Variants in TSTD2 observed in about 807,000 individuals in gnomAD.
TSTD2 encodes the protein thiosulfate sulfurtransferase like domain containing 2.
TSTD2 carries 37 observed loss-of-function variants against 47.9 expected under a neutral mutation model. The observed-to-expected ratio is 0.77, with a 90% confidence interval of 0.59 to 1.02. TSTD2 has a LOEUF of 1.02. Among genes scored for constraint, TSTD2 ranks in the 50% least tolerant of loss-of-function variants. The pLI, the probability that TSTD2 is intolerant of heterozygous loss-of-function variation, is 0.00. For synonymous variants in TSTD2, 201 were observed against 215.9 expected (o/e 0.93, Z 0.61); for missense variants, 586 against 616.0 (o/e 0.95, Z 0.52).
At chr9:97,611,206 T>C (rs1826453020) in intron 5 of TSTD2, 2 of 174,770 alleles carry the variant, frequency 1.1e-5, no homozygotes, top group African/African-American at 2.4e-5. Flanking sequence ...GAGGCTGACG[T>C]GGGAGGACTG....
intron 6 of TSTD2, among the ~76,000 whole-genome samples, chr9:97,609,120 T>C (rs920944638): frequency 6.6e-6 from 1 of 152,182 alleles, no homozygotes; most frequent in Non-Finnish European, 1.5e-5. Context: ...TCTCAAGGAC[T>C]TAGCATGAAA....
intron 3 of TSTD2, among the ~76,000 whole-genome samples, chr9:97,620,069 G>C (rs1295271268): frequency 6.6e-6 from 1 of 152,146 alleles, no homozygotes; most frequent in Non-Finnish European, 1.5e-5. Context: ...GATATTGCTT[G>C]GCTGTGTCCC....
intron 3 of TSTD2, among the ~76,000 whole-genome samples, chr9:97,623,847 ACT>A (rs760993037): frequency 2.7e-5 from 4 of 150,844 alleles, no homozygotes; most frequent in Admixed American, 6.6e-5. Flanking sequence ...ACAGAGTGAG[ACT>A]CTGTCTCAAA....
At chr9:97,604,257 A>G (rs1826326907) in intron 9 of TSTD2, 2 of 153,814 alleles carry the variant, frequency 1.3e-5, no homozygotes, top group Admixed American at 6.5e-5. Flanking sequence ...AGACAAAGTC[A>G]CAGGTACATT....
chr9:97,617,940 A>T, intron 3 of TSTD2, 63 bp from the exon 4 acceptor site: 1 of 1,572,464 alleles, frequency 6.4e-7, no homozygotes, highest in Non-Finnish European at 8.6e-7. Context: ...GTCACAATTC[A>T]TAAAATACAC....
chr9:97,603,228 G>T (rs7859979), intron 9 of TSTD2: 14,284 of 166,646 alleles, frequency 0.086, 2,301 homozygotes, highest in African/African-American at 0.33. Flanking sequence ...CCCGAGGCCT[G>T]TGTCTCTCCT....
intron 3 of TSTD2, among the ~76,000 whole-genome samples, chr9:97,622,003 G>A (rs947446866): frequency 6.6e-5 from 10 of 151,914 alleles, no homozygotes; most frequent in South Asian, 2.1e-4. Flanking sequence ...AGCGACCCCC[G>A]GACACCTAGC....
At chr9:97,603,514 T>C (rs1441207820) in intron 9 of TSTD2, among the ~76,000 whole-genome samples, 1 of 152,188 alleles carries the variant, frequency 6.6e-6, no homozygotes, top group Non-Finnish European at 1.5e-5. Flanking sequence ...CAGATCGAAG[T>C]AGTGATCAAT....
intron 1 of TSTD2, among the ~76,000 whole-genome samples, chr9:97,631,995 A>G (rs1826828067): frequency 6.6e-6 from 1 of 152,134 alleles, no homozygotes; most frequent in Non-Finnish European, 1.5e-5. Flanking sequence ...GTATTCCTGA[A>G]TGGGTCGTTA....
At chr9:97,602,792 T>G (rs200996944) in intron 9 of TSTD2, 25 bp from the exon 10 acceptor site, 1 of 1,582,138 alleles carries the variant, frequency 6.3e-7, no homozygotes, top group Non-Finnish European at 8.6e-7. Flanking sequence ...AAAGCCATCA[T>G]TATAAACACA....
intron 9 of TSTD2, chr9:97,603,940 C>G (rs1287740041): frequency 6.6e-6 from 1 of 152,214 alleles, no homozygotes; most frequent in African/African-American, 2.4e-5. Flanking sequence ...ATCCTCCTAC[C>G]TTGGCCTCCA....
At chr9:97,618,284 C>T (rs1587980648) in intron 3 of TSTD2, among the ~76,000 whole-genome samples, 1 of 152,256 alleles carries the variant, frequency 6.6e-6, no homozygotes, top group African/African-American at 2.4e-5. Context: ...TTCTATGATG[C>T]AGGTTATTAT....
Position 97,627,570 on chromosome 9 carries a change from G to A in TSTD2, c.-8C>T, listed in dbSNP as rs1826742488. ...TGAAGTGGAAGAAGGCATCTGGTTT[G>A]GTTGCAACAGTGAAGCAGATATTCC... On this transcript the variant is annotated 5_prime_UTR_variant, in exon 2 of 10. Transcript: ENST00000341170. 3 of 1,589,928 alleles carry A rather than the reference G, an allele frequency of 1.9e-6. No individual in the cohort carries two copies. In the East Asian group the frequency reaches 6.7e-5, roughly 36 times the overall value.
rs1028434241 is a variant in TSTD2 at position 97,630,482 on chromosome 9, T to C, written c.-51+2761A>G. Among the ~76,000 whole-genome samples the C allele has an allele frequency of 4.0e-5, 5 of 126,544 alleles. No homozygotes were observed. The South Asian group carries it at 1.1e-3, about 27-fold the overall frequency. 83.0% of individuals were successfully genotyped at this position (126,544 alleles called of 152,430 possible). A position where few individuals can be genotyped will look rare whatever the true frequency, so the allele number is the denominator to read the frequency against. ...GTAAGGAGAGACATTAAGTAAGTAA[T>C]AAACAAACAAACAAACAAACAAACA... On this transcript the variant is annotated intron_variant, in intron 1 of 9. Coordinates refer to ENST00000341170, the MANE Select transcript of TSTD2 (RefSeq NM_139246.5).
chr9:97,622,906 G>A (rs1826663629), intron 3 of TSTD2, among the ~76,000 whole-genome samples: 3 of 152,228 alleles, frequency 2.0e-5, no homozygotes, highest in African/African-American at 7.2e-5. Context: ...CTTTTAACAG[G>A]CTCATAGGCA....
At chr9:97,622,072 G>A (rs1023712961) in intron 3 of TSTD2, among the ~76,000 whole-genome samples, 3 of 151,942 alleles carry the variant, frequency 2.0e-5, no homozygotes, top group African/African-American at 7.3e-5. Context: ...CCAACACTTA[G>A]AGAAAATAGA....
At position 97,619,211 on chromosome 9, in the gene TSTD2, GACTTCT is replaced by G. The variant is rs1826590843; in HGVS notation, c.483-1340_483-1335del. ...AAATTTTAGTGACTAGCTCAAGTGT[GACTTCT>G]ACTTCAACTTGCTTTCTTGCTCCTT... On this transcript the variant is annotated intron_variant, in intron 3 of 9. Transcript: ENST00000341170. 5.3e-5 allele frequency among the ~76,000 whole-genome samples: 8 copies of G among 152,332 alleles called. No homozygotes were observed. The South Asian group carries it at 1.5e-3, about 28-fold the overall frequency.
At chr9:97,622,937 A>C (rs1485686264) in intron 3 of TSTD2, among the ~76,000 whole-genome samples, 2 of 152,262 alleles carry the variant, frequency 1.3e-5, no homozygotes, top group African/African-American at 4.8e-5. Context: ...GCTTTGTCTC[A>C]GATGACATTT....
intron 2 of TSTD2, 130 bp from the exon 3 acceptor site, chr9:97,626,127 A>G: frequency 2.3e-6 from 2 of 879,106 alleles, no homozygotes; most frequent in East Asian, 2.7e-5. Flanking sequence ...ATGTTATACA[A>G]TTCTCTGAGA....
Sources: gnomAD v4.1 joint callset for allele counts (sites outside exome capture counted in the v4.1 genomes callset) on GRCh38, gnomAD v4.1.1 for gene constraint, MANE v1.5 for transcripts, NCBI Gene and HGNC (gene_info 2026-07-23, HGNC 2026-07-21) for gene names.